Variants in AQP4 observed in about 807,000 individuals in gnomAD.
AQP4 encodes aquaporin-4.
In AQP4, 18 loss-of-function variants were observed where a neutral mutation model predicts 27.8. That is an observed-to-expected ratio of 0.65 (90% confidence interval 0.45 to 0.96). The LOEUF (loss-of-function observed/expected upper bound fraction) is 0.96. Among genes scored for constraint, AQP4 ranks in the 40% least tolerant of loss-of-function variants. AQP4 has a pLI of 0.00. For synonymous variants in AQP4, 141 were observed against 142.9 expected (o/e 0.99, Z 0.10); for missense variants, 412 against 408.2 (o/e 1.01, Z -0.08).
Position 26,852,685 on chromosome 18 carries a change from C to T in AQP4, c.*3526G>A. On this transcript the variant is annotated 3_prime_UTR_variant, in exon 5 of 5. Transcript: ENST00000383168. ...AACAAAAGAGAGTTTTGTTACATTA[C>T]ACTTTCCAAATAGTAACCACATCTT... 1 of 396,088 alleles carries T rather than the reference C, an allele frequency of 2.5e-6. No individual in the cohort carries two copies. Among genetic ancestry groups the T allele is most frequent in the Non-Finnish European group, 4.4e-6 (1 of 224,726 alleles). The allele number at this position is 396,088 out of a possible 1,614,324, so 24.5% of individuals were successfully genotyped here. A position where few individuals can be genotyped will look rare whatever the true frequency, so the allele number is the denominator to read the frequency against.
At chr18:26,865,756 T>G, upstream of AQP4, 1 of 1,588,306 alleles carries the variant, frequency 6.3e-7, no homozygotes, top group Non-Finnish European at 8.6e-7. Context: ...GGGAGTCAGA[T>G]TACGGCCACT....
chr18:26,865,540 A>G, intron 1 of AQP4, 118 bp downstream of exon 1: 2 of 1,301,066 alleles, frequency 1.5e-6, no homozygotes, highest in Non-Finnish European at 2.2e-6. Context: ...AGAACCACCC[A>G]CCTGCCCTAT....
intron 1 of AQP4, chr18:26,865,363 G>A: frequency 1.9e-6 from 1 of 519,742 alleles, no homozygotes; most frequent in Non-Finnish European, 3.5e-6. Flanking sequence ...GCGTCTGGGT[G>A]AGTAATTTTT....
chr18:26,865,236 T>A (rs2055037776), intron 1 of AQP4: 1 of 311,318 alleles, frequency 3.2e-6, no homozygotes, highest in Admixed American at 4.3e-5. Flanking sequence ...CTGGAAATGA[T>A]CAACACAATT....
At chr18:26,859,266 T>A (rs574502716) in intron 4 of AQP4, among the ~76,000 whole-genome samples, 107 of 152,350 alleles carry the variant, frequency 7.0e-4, no homozygotes, top group African/African-American at 2.5e-3. Flanking sequence ...ACGCCTGTAA[T>A]CCCAGCACTT....
rs1390531002 is a variant in AQP4 at position 26,854,976 on chromosome 18, G to A, written c.*1235C>T. On this transcript the variant is annotated 3_prime_UTR_variant, in exon 5 of 5. Coordinates refer to ENST00000383168, the MANE Select transcript of AQP4 (RefSeq NM_001650.7). ...GGTTAGCTACAATATATCCAGAAAT[G>A]AAAGATTGTTCGTCTAGTAAGCTTT... The A allele has an allele frequency of 6.6e-6, 1 of 152,188 alleles. No homozygotes were observed. Among genetic ancestry groups the A allele is most frequent in the East Asian group, 1.9e-4 (1 of 5,200 alleles). The allele number at this position is 152,188 out of a possible 1,614,324, so 9.4% of individuals were successfully genotyped here.
intron 1 of AQP4, among the ~76,000 whole-genome samples, chr18:26,863,521 G>T (rs1048810254): frequency 6.6e-6 from 1 of 152,158 alleles, no homozygotes; most frequent in Admixed American, 6.5e-5. Context: ...ATGGGAGTGG[G>T]GGATGCTTTT....
chr18:26,857,796 C>T (rs768458056), intron 4 of AQP4, among the ~76,000 whole-genome samples: 8 of 152,272 alleles, frequency 5.3e-5, no homozygotes, highest in South Asian at 2.1e-4. Flanking sequence ...CCGGGCCAGC[C>T]GTACTTGGCA....
chr18:26,862,166 T>C lies in AQP4; in HGVS notation c.447+16A>G, dbSNP rs72557969. 1.0e-3 allele frequency: 1,626 copies of C among 1,613,824 alleles called. 16 individuals carry two copies. The African/African-American group carries it at 0.02, about 19-fold the overall frequency. The stretch of plus-strand genomic sequence containing the variant: ...GAAGCTTGGAGTCCTAGTTTGAAAA[T>C]AGCTAAAGATGCTACCATGGTGACT... On this transcript the variant is annotated intron_variant, in intron 2 of 4. Coordinates refer to ENST00000383168, the MANE Select transcript of AQP4 (RefSeq NM_001650.7).
chr18:26,856,202 A>G lies in AQP4; in HGVS notation c.*9T>C. On this transcript the variant is annotated 3_prime_UTR_variant, in exon 5 of 5. Coordinates refer to ENST00000383168, the MANE Select transcript of AQP4 (RefSeq NM_001650.7). The stretch of plus-strand genomic sequence containing the variant: ...AGGAGTCTTGTCTGCTTTCAGTGCG[A>G]TCTTCTAGTCATACTGAAGACAATA... 6.2e-7 allele frequency: 1 copy of G among 1,614,136 alleles called. No homozygotes were observed. Among genetic ancestry groups the G allele is most frequent in the Non-Finnish European group, 8.5e-7 (1 of 1,180,012 alleles).
At chr18:26,865,613 C>CT in intron 1 of AQP4, 45 bp downstream of exon 1, 1 of 1,613,564 alleles carries the variant, frequency 6.2e-7, no homozygotes. Flanking sequence ...ACAGTTTCAT[C>CT]TTTTGGCCCT....
intron 1 of AQP4, among the ~76,000 whole-genome samples, chr18:26,864,198 G>A (rs892834537): frequency 5.9e-5 from 9 of 152,150 alleles, no homozygotes; most frequent in Admixed American, 3.9e-4. Flanking sequence ...GACAAATTGC[G>A]GGGCCCTCAT....
Position 26,865,038 on chromosome 18 carries a change from C to CT in AQP4, c.32+619dup, listed in dbSNP as rs58002791. Among the ~76,000 whole-genome samples the CT allele has an allele frequency of 6.1e-3, 889 of 146,586 alleles. 8 individuals are homozygous for CT. The highest frequency in any genetic ancestry group is 8.1e-3 in the Admixed American group (119 of 14,746). Reference sequence around the variant, plus strand: ...ACATGCTCTTTAAGAATGTTTTTAGCTTTTTTTTTTTTTTAAATCCACAAA... The same window carrying CT: ...ACATGCTCTTTAAGAATGTTTTTAGCTTTTTTTTTTTTTTTAAATCCACAAA... On this transcript the variant is annotated intron_variant, in intron 1 of 4. Transcript: ENST00000383168.
intron 4 of AQP4, among the ~76,000 whole-genome samples, chr18:26,860,060 AATT>A (rs751328313): frequency 1.3e-5 from 2 of 152,222 alleles, no homozygotes; most frequent in Non-Finnish European, 2.9e-5. Flanking sequence ...AAACAAAATT[AATT>A]ATAATATTTT....
chr18:26,861,180 G>C lies in AQP4; in HGVS notation c.563C>G (p.Ser188Ter). The C allele has an allele frequency of 6.2e-7, 1 of 1,614,044 alleles. No individual in the cohort carries two copies. Among genetic ancestry groups the C allele is most frequent in the Non-Finnish European group, 8.5e-7 (1 of 1,179,976 alleles). Residue 188 changes from serine (S) to a stop codon, truncating the protein, a stop_gained, in exon 3 of 5, where the codon TCA becomes TGA. Coordinates refer to ENST00000383168, the MANE Select transcript of AQP4 (RefSeq NM_001650.7). LOFTEE classifies it high-confidence loss of function. ...AGAAAATCCAATTGCTAAAGCTATT[G>C]AGCCAGTGACATCAGTCCGTTTGGA... is the stretch of plus-strand genomic sequence containing the variant. ...CDSKRTDVTGSIALAIGFSVA... is the reference protein window; with the variant it reads ...CDSKRTDVTG
chr18:26,858,437 A>G (rs1448455657), intron 4 of AQP4, among the ~76,000 whole-genome samples: 1 of 152,266 alleles, frequency 6.6e-6, no homozygotes, highest in African/African-American at 2.4e-5. Flanking sequence ...CTCAGTTTGC[A>G]TCCTCATTGT....
chr18:26,860,468 C>A (rs2054921045), intron 4 of AQP4, among the ~76,000 whole-genome samples: 1 of 152,076 alleles, frequency 6.6e-6, no homozygotes, highest in South Asian at 2.1e-4. Context: ...ACATAGGCAA[C>A]CTCTATATAC....
chr18:26,864,362 CT>C (rs889275301), intron 1 of AQP4, among the ~76,000 whole-genome samples: 3 of 152,150 alleles, frequency 2.0e-5, no homozygotes, highest in Admixed American at 6.5e-5. Flanking sequence ...AAAACCCTTT[CT>C]TGCCCAGGCC....
At chr18:26,858,267 T>C (rs377018298) in intron 4 of AQP4, among the ~76,000 whole-genome samples, 2 of 152,022 alleles carry the variant, frequency 1.3e-5, no homozygotes, top group African/African-American at 4.8e-5. Context: ...AGTAAGACCC[T>C]GTCTCAAAAA....
Sources: allele counts gnomAD v4.1 joint callset (sites outside exome capture counted in the v4.1 genomes callset), GRCh38; gene constraint gnomAD v4.1.1; transcripts MANE v1.5; gene names NCBI Gene and HGNC (gene_info 2026-07-23, HGNC 2026-07-21).